PCDHA3: variants seen among roughly 807,000 people sequenced by gnomAD.
PCDHA3 encodes the protein protocadherin alpha 3, also known as protocadherin alpha-3.
PCDHA3 carries 41 observed loss-of-function variants against 62.2 expected under a neutral mutation model. The observed-to-expected ratio is 0.66, with a 90% CI of 0.51 to 0.86. PCDHA3 has a LOEUF of 0.86. Among genes scored for constraint, PCDHA3 ranks in the 40% least tolerant of loss-of-function variants. The probability of loss-of-function intolerance (pLI) is 0.00; values close to 1 mark genes in which losing one functional copy is unlikely to be tolerated. For synonymous variants in PCDHA3, 640 were observed against 555.4 expected, an observed-to-expected ratio of 1.15 and a Z score of -2.14; for missense variants, 1,304 against 1,241.2, an observed-to-expected ratio of 1.05 and a Z score of -0.76.
At chr5:140,940,159 C>CT (rs1401623923) in intron 1 of PCDHA3, among the ~76,000 whole-genome samples, 1 of 151,978 alleles carries the variant, frequency 6.6e-6, no homozygotes, top group East Asian at 1.9e-4. Context: ...TTTTGTTTGC[C>CT]TGAAATGTCA....
chr5:140,981,888 G>A (rs1554243508), intron 2 of PCDHA3, among the ~76,000 whole-genome samples: 1 of 152,140 alleles, frequency 6.6e-6, no homozygotes, highest in Non-Finnish European at 1.5e-5. Flanking sequence ...AATCTCTTCT[G>A]AGCGGGGATC....
chr5:140,843,741 A>T, intron 1 of PCDHA3: 3 of 1,536,408 alleles, frequency 2.0e-6, no homozygotes. Context: ...TTTAGAACTC[A>T]TAAATTCTAT....
At position 140,916,547 on chromosome 5, in the gene PCDHA3, T is replaced by A. The variant is rs541671578; in HGVS notation, c.2395-62402T>A. On this transcript the variant is annotated intron_variant, in intron 1 of 3. Transcript: ENST00000522353. ...TCCTTCCCACCAAGGCAATGGGTTT[T>A]CTATTTGTCCAGGGTGTGTCTAGAA... Among the ~76,000 whole-genome samples the A allele has an allele frequency of 2.0e-4, 31 of 152,324 alleles. 1 individual carries two copies. Among genetic ancestry groups the A allele is most frequent in the Non-Finnish European group, 3.4e-4 (23 of 68,020 alleles).
At chr5:140,993,894 A>G (rs1267639459) in intron 3 of PCDHA3, among the ~76,000 whole-genome samples, 2 of 152,204 alleles carry the variant, frequency 1.3e-5, no homozygotes, top group African/African-American at 4.8e-5. Flanking sequence ...TGATGTCCAT[A>G]CAACAAAAAT....
intron 1 of PCDHA3, chr5:140,825,492 G>C (rs1768599231): frequency 6.7e-6 from 1 of 150,372 alleles, no homozygotes; most frequent in Admixed American, 6.6e-5. Flanking sequence ...GCCCAAACGA[G>C]TGCAATGGTA....
chr5:140,883,551 G>T, intron 1 of PCDHA3: 4 of 1,614,234 alleles, frequency 2.5e-6, no homozygotes, highest in Non-Finnish European at 3.4e-6. Flanking sequence ...GTGACCGCGC[G>T]GGACGGGGGC....
At chr5:140,978,726 T>C (rs1453953300) in intron 1 of PCDHA3, among the ~76,000 whole-genome samples, 2 of 152,250 alleles carry the variant, frequency 1.3e-5, no homozygotes, top group African/African-American at 4.8e-5. Flanking sequence ...TTATTAAATC[T>C]GGTCTTCCAG....
intron 1 of PCDHA3, chr5:140,829,930 C>G (rs2150178008): frequency 1.2e-6 from 2 of 1,613,986 alleles, no homozygotes; most frequent in Non-Finnish European, 1.7e-6. Context: ...AGCTGCAGCC[C>G]CCGGCAAGCA....
In PCDHA3 at chr5:141,010,015, C is replaced by G; in HGVS notation, c.*78C>G. On this transcript the variant is annotated 3_prime_UTR_variant, in exon 4 of 4. Transcript: ENST00000522353. ...CTCTCCCATGTAGCAATTCCCTGCT[C>G]CTTTTTCCTATCTACATGAGCCCTC... is the stretch of plus-strand genomic sequence containing the variant. 6.4e-7 allele frequency: 1 copy of G among 1,572,182 alleles called. No homozygotes were observed. Among genetic ancestry groups the G allele is most frequent in the Non-Finnish European group, 8.6e-7 (1 of 1,163,250 alleles).
intron 1 of PCDHA3, among the ~76,000 whole-genome samples, chr5:140,932,462 A>G (rs549858141): frequency 6.6e-6 from 1 of 152,022 alleles, no homozygotes; most frequent in African/African-American, 2.4e-5. Flanking sequence ...GCCAGGGTAT[A>G]TAGGAAATAG....
intron 1 of PCDHA3, chr5:140,823,750 A>G (rs2150128815): frequency 2.0e-5 from 32 of 1,613,782 alleles, no homozygotes; most frequent in Non-Finnish European, 2.5e-5. Flanking sequence ...GCCCCCGCTG[A>G]CAGCCACAGC....
intron 1 of PCDHA3, chr5:140,862,565 A>G: frequency 2.1e-6 from 1 of 478,016 alleles, no homozygotes; most frequent in Non-Finnish European, 4.3e-6. Context: ...GTGAACCACA[A>G]TGCCCTGGCG....
chr5:140,807,616 G>T (rs113425597), intron 1 of PCDHA3: 1 of 1,614,130 alleles, frequency 6.2e-7, no homozygotes, highest in African/African-American at 1.3e-5. Flanking sequence ...TGTCCATCGC[G>T]GAATCCAGGC....
intron 1 of PCDHA3, chr5:140,822,564 GA>G: frequency 6.2e-7 from 1 of 1,613,090 alleles, no homozygotes; most frequent in Non-Finnish European, 8.5e-7. Context: ...TTATTAAACT[GA>G]ACGCCTCAGA....
At position 140,835,650 on chromosome 5, in the gene PCDHA3, C is replaced by T. The variant is rs2150240759; in HGVS notation, c.2394+32059C>T. The T allele has an allele frequency of 2.2e-5, 35 of 1,613,820 alleles. 1 individual carries two copies. The highest frequency in any genetic ancestry group is 2.2e-4 in the Admixed American group (13 of 59,994). On this transcript the variant is annotated intron_variant, in intron 1 of 3. Coordinates refer to ENST00000522353, the MANE Select transcript of PCDHA3 (RefSeq NM_018906.3). ...CCGCGAGAGTGTGTCCGCCTATGAG[C>T]TGGTGGTTACCGCGCGGGACGGGGG...
chr5:140,832,550 C>T (rs2150202230), intron 1 of PCDHA3, among the ~76,000 whole-genome samples: 4 of 152,164 alleles, frequency 2.6e-5, no homozygotes, highest in South Asian at 2.1e-4. Flanking sequence ...CTAATGATAT[C>T]TAACAGCCTC....
Position 140,847,952 on chromosome 5 carries a change from A to T in PCDHA3, c.2394+44361A>T, listed in dbSNP as rs185156520. The T allele has an allele frequency of 1.9e-3, 295 of 152,428 alleles. 32 individuals are homozygous for T. Among genetic ancestry groups the T allele is most frequent in the Non-Finnish European group, 3.3e-3 (228 of 68,582 alleles). 9.4% of individuals were successfully genotyped at this position (152,428 alleles called of 1,614,324 possible). A position where few individuals can be genotyped will look rare whatever the true frequency, so the allele number is the denominator to read the frequency against. On this transcript the variant is annotated intron_variant, in intron 1 of 3. Coordinates refer to ENST00000522353, the MANE Select transcript of PCDHA3 (RefSeq NM_018906.3). ...ATTGCAACTCCTGGATTTCTCTTAC[A>T]CTAGAATCCTATTTCGAGCCATATG...
chr5:140,823,675 C>A, intron 1 of PCDHA3: 2 of 1,614,056 alleles, frequency 1.2e-6, no homozygotes, highest in Non-Finnish European at 1.7e-6. Flanking sequence ...CAGCACAACA[C>A]GCTCTCTGGA....
At chr5:140,803,938 A>C in intron 1 of PCDHA3, 1 of 399,126 alleles carries the variant, frequency 2.5e-6, no homozygotes, top group South Asian at 3.7e-5. Context: ...TTATCCCTAT[A>C]CAATGCTTCT....
Sources: allele counts gnomAD v4.1 joint callset (sites outside exome capture counted in the v4.1 genomes callset), GRCh38; gene constraint gnomAD v4.1.1; transcripts MANE v1.5; gene names NCBI Gene and HGNC (gene_info 2026-07-23, HGNC 2026-07-21).